Variants in TRPM2 observed in about 807,000 individuals in gnomAD.
TRPM2 encodes the protein transient receptor potential cation channel subfamily M member 2.
Under a neutral mutation model 174.0 loss-of-function variants are expected in TRPM2, and 161 were observed. The observed-to-expected ratio is 0.93, with a 90% CI of 0.81 to 1.05. TRPM2 has a LOEUF of 1.05. Ranked by LOEUF, TRPM2 falls within the 50% of genes least tolerant of loss-of-function variation. The probability of loss-of-function intolerance (pLI) is 0.00; values close to 1 mark genes in which losing one functional copy is unlikely to be tolerated. For missense variants in TRPM2, 2,057 were observed against 2,038.0 expected (o/e 1.01, Z -0.18); for synonymous variants, 954 against 861.3 (o/e 1.11, Z -1.88).
intron 2 of TRPM2, among the ~76,000 whole-genome samples, chr21:44,355,333 G>A (rs762450047): frequency 2.0e-5 from 3 of 152,214 alleles, no homozygotes; most frequent in Non-Finnish European, 2.9e-5. Flanking sequence ...CGCAGTTGGC[G>A]CCCCTTTAGG....
intron 3 of TRPM2, 111 bp downstream of exon 3, chr21:44,364,393 A>G: frequency 3.0e-6 from 4 of 1,325,244 alleles, no homozygotes; most frequent in Non-Finnish European, 4.2e-6. Flanking sequence ...GCAAAGCTCC[A>G]GGGTGCATAG....
chr21:44,384,160 GA>G (rs1430111906), intron 9 of TRPM2, among the ~76,000 whole-genome samples: 5 of 152,182 alleles, frequency 3.3e-5, no homozygotes, highest in Non-Finnish European at 7.4e-5. Context: ...AATTAGAAAT[GA>G]AAGTAGGGAC....
intron 11 of TRPM2, 54 bp from the exon 12 acceptor site, chr21:44,395,360 G>T: frequency 6.3e-7 from 1 of 1,593,898 alleles, no homozygotes; most frequent in Non-Finnish European, 8.5e-7. Flanking sequence ...GGCTCCGCCA[G>T]TGACTCTGAG....
At chr21:44,400,906 G>A (rs192804162) in intron 15 of TRPM2, among the ~76,000 whole-genome samples, 1 of 152,302 alleles carries the variant, frequency 6.6e-6, no homozygotes, top group African/African-American at 2.4e-5. Flanking sequence ...GATCTGCTGT[G>A]TTTTACTGAG....
At chr21:44,403,571 TAC>T (rs902806631) in intron 16 of TRPM2, among the ~76,000 whole-genome samples, 25 of 150,434 alleles carry the variant, frequency 1.7e-4, no homozygotes, top group East Asian at 3.9e-4. Context: ...CATGCATATG[TAC>T]ACACATACAT....
chr21:44,352,148 A>G (rs2122999596), upstream of TRPM2, among the ~76,000 whole-genome samples: 1 of 152,248 alleles, frequency 6.6e-6, no homozygotes, highest in Admixed American at 6.5e-5. Flanking sequence ...CTTCCCTCGG[A>G]AGCTGGTTGT....
At chr21:44,426,849 AG>A in intron 26 of TRPM2, 113 bp downstream of exon 26, 1 of 1,440,072 alleles carries the variant, frequency 6.9e-7, no homozygotes, top group Admixed American at 1.8e-5. Flanking sequence ...GGTGAGCAGG[AG>A]GGGCCCGTGG....
chr21:44,370,026 G>C (rs908008332), intron 5 of TRPM2, among the ~76,000 whole-genome samples: 1 of 151,994 alleles, frequency 6.6e-6, no homozygotes, highest in African/African-American at 2.4e-5. Flanking sequence ...GTGTGCGGGG[G>C]AGGCGGGCAC....
In TRPM2 at chr21:44,391,626, G is replaced by T. The variant is rs1449281398; in HGVS notation, c.1794+1G>T. ...GCCCGTTCCCCACGTCAAGCTCAAC[G>T]TGCGTGCTGGTAACGGGGCCCATCC... On this transcript the variant is annotated splice_donor_variant, in intron 11 of 31. Transcript: ENST00000397928. LOFTEE classifies it high-confidence loss of function. This position sits in a 1 kb window ranked among gnomAD's most constrained non-coding sequence, Gnocchi z 5.0. 1 of 1,567,568 alleles carries T rather than the reference G, an allele frequency of 6.4e-7. No homozygotes were observed. The highest frequency in any genetic ancestry group is 1.2e-5 in the South Asian group (1 of 86,788).
rs755774890 is a variant in TRPM2, at chr21:44,422,354, C to G, written c.3462-1291C>G. 3.3e-6 allele frequency: 5 copies of G among 1,535,972 alleles called. No homozygotes were observed. In the South Asian group the frequency reaches 5.9e-5, roughly 18 times the overall value. On this transcript the variant is annotated intron_variant, in intron 22 of 31. Transcript: ENST00000397928. ...TGCATCTCACGGTGGTGGAATCACG[C>G]GGGTCCGAGAAGGCTCCAGTAACCA...
intron 2 of TRPM2, among the ~76,000 whole-genome samples, chr21:44,356,204 T>C (rs1745478057): frequency 6.8e-6 from 1 of 147,170 alleles, no homozygotes; most frequent in African/African-American, 2.5e-5. Flanking sequence ...ATTGTTTTTT[T>C]TTTCCTGAAT....
In TRPM2 at chr21:44,438,807, C is replaced by G. The variant is rs1357306939; in HGVS notation, c.4168-260C>G. Among the ~76,000 whole-genome samples the G allele has an allele frequency of 1.3e-5, 2 of 152,230 alleles. No homozygotes were observed. Among genetic ancestry groups the G allele is most frequent in the East Asian group, 3.9e-4 (2 of 5,162 alleles). ...GGGAGTCTGAGCTCAGGGTGGGTAC[C>G]CTGGGGGCTGTCCCTGCTCCTCAGA... On this transcript the variant is annotated intron_variant, in intron 29 of 31. Transcript: ENST00000397928. The surrounding 1 kb of genome is among the most constrained non-coding windows in gnomAD (Gnocchi z 5.9).
intron 28 of TRPM2, among the ~76,000 whole-genome samples, chr21:44,435,952 C>T (rs1261476854): frequency 2.0e-5 from 3 of 150,710 alleles, no homozygotes; most frequent in African/African-American, 7.4e-5. Context: ...ACACTCACCC[C>T]TCAGACTCAC....
chr21:44,424,807 G>C (rs781008219), intron 23 of TRPM2, 45 bp from the exon 24 acceptor site: 2 of 1,413,960 alleles, frequency 1.4e-6, no homozygotes, highest in Non-Finnish European at 1.9e-6. Flanking sequence ...TGTACCATGC[G>C]TGTGGGTGGC....
Position 44,417,976 on chromosome 21 carries a change from C to T in TRPM2, c.3196C>T (p.Gln1066Ter), listed in dbSNP as rs751104158. 2 of 1,612,944 alleles carry T rather than the reference C, an allele frequency of 1.2e-6. No homozygotes were observed. The highest frequency in any genetic ancestry group is 2.7e-5 in the African/African-American group (2 of 74,938). Residue 1066 changes from glutamine to a stop codon, truncating the protein, a stop_gained, in exon 21 of 32, where the codon CAG becomes TAG. Coordinates refer to ENST00000397928, the MANE Select transcript of TRPM2 (RefSeq NM_003307.4). LOFTEE classifies it high-confidence loss of function. Reference protein sequence around the residue: ...QEHTDQIWKFQRHDLIEEYHG... With the variant: ...QEHTDQIWKF Reference sequence around the variant, plus strand: ...GCACACGGACCAGATTTGGAAGTTCCAGCGCCATGACCTGATCGAGGAGTA... The same window carrying T: ...GCACACGGACCAGATTTGGAAGTTCTAGCGCCATGACCTGATCGAGGAGTA...
chr21:44,415,787 C>G (rs990534441), intron 20 of TRPM2: 2 of 152,324 alleles, frequency 1.3e-5, no homozygotes, highest in East Asian at 3.9e-4. Context: ...AGGTGGCTGT[C>G]CATCCGGCCC....
In TRPM2 at chr21:44,366,614, G is replaced by A; in HGVS notation, c.424-140G>A. 2 of 1,090,910 alleles carry A rather than the reference G, an allele frequency of 1.8e-6. No individual in the cohort carries two copies. The highest frequency in any genetic ancestry group is 2.6e-6 in the Non-Finnish European group (2 of 756,604). The allele number at this position is 1,090,910 out of a possible 1,614,324, so 67.6% of individuals were successfully genotyped here. On this transcript the variant is annotated intron_variant, in intron 3 of 31. Transcript: ENST00000397928. This position sits in a 1 kb window ranked among gnomAD's most constrained non-coding sequence, Gnocchi z 6.0. ...CGTGATCTGTGCCCTGCCCACATGG[G>A]GACCCCTTTTCTGGGTCTGAGCCGG...
chr21:44,429,478 G>A (rs1204322054), intron 27 of TRPM2, among the ~76,000 whole-genome samples: 2 of 151,036 alleles, frequency 1.3e-5, no homozygotes, highest in African/African-American at 4.9e-5. Flanking sequence ...GTAGAGATGG[G>A]GTTTCACCAT....
chr21:44,404,398 C>T (rs1417084576), intron 16 of TRPM2, among the ~76,000 whole-genome samples: 4 of 152,086 alleles, frequency 2.6e-5, no homozygotes, highest in Non-Finnish European at 5.9e-5. Flanking sequence ...CATATGTGCA[C>T]ACATACATAT....
Sources: allele counts gnomAD v4.1 joint callset (sites outside exome capture counted in the v4.1 genomes callset), GRCh38; gene constraint gnomAD v4.1.1; non-coding constraint Gnocchi (gnomAD v3.1); transcripts MANE v1.5; gene names NCBI Gene and HGNC (gene_info 2026-07-23, HGNC 2026-07-21).